Variants in SLC23A3 observed in about 807,000 individuals in gnomAD.
SLC23A3 encodes the protein E2-binding protein 3.
A neutral mutation model predicts 64.7 loss-of-function variants in SLC23A3; 41 were observed. The observed-to-expected ratio is 0.63, with a 90% CI of 0.49 to 0.82. The LOEUF is 0.82. SLC23A3 is among the 40% of genes least tolerant of loss of function. SLC23A3 has a pLI of 0.00. For synonymous variants in SLC23A3, 281 were observed against 306.8 expected (o/e 0.92, Z 0.88); for missense variants, 647 against 733.4 (o/e 0.88, Z 1.36).
At chr2:219,167,588 C>CAAA (rs34130254) in intron 7 of SLC23A3, among the ~76,000 whole-genome samples, 78 of 60,528 alleles carry the variant, frequency 1.3e-3, no homozygotes, top group East Asian at 1.9e-3. Context: ...CCTGTCTCTA[C>CAAA]AAAAAAAAAA....
In SLC23A3 at chr2:219,168,764, C is replaced by T. The variant is rs762988135; in HGVS notation, c.562G>A (p.Val188Met). The change falls in exon 5 of 12, where the codon GTG (valine) becomes ATG (methionine). Residue 188 changes from valine (V) to methionine (M), a missense_variant. Val to Met is a conservative substitution (Grantham distance 21). Transcript: ENST00000409878. ...MMGLLGSPGHVFPHCGPLVLA... is the reference protein window; with the variant it reads ...MMGLLGSPGHMFPHCGPLVLA... Reference sequence around the variant, plus strand: ...ACCAGGGGCCCACAGTGGGGGAACACGTGGCCGGGACTCCCCAGCAGCCCC... The same window carrying T: ...ACCAGGGGCCCACAGTGGGGGAACATGTGGCCGGGACTCCCCAGCAGCCCC... 1.4e-5 allele frequency: 22 copies of T among 1,611,214 alleles called. No individual in the cohort carries two copies. The highest frequency in any genetic ancestry group is 1.0e-4 in the Admixed American group (6 of 59,616).
In SLC23A3 at chr2:219,165,237, C is replaced by G. The variant is rs1242918172; in HGVS notation, c.1099G>C (p.Gly367Arg). ...GTGCCCATGGGGCTTCCCAGCAGCC[C>G]GGCCAGCACACTGCCCAGCCCCTCC... ...SLEGLGSVLA[G>R]LLGSPMGTAS... The change falls in exon 8 of 12, where the codon GGG becomes CGG. Residue 367 changes from glycine (G) to arginine (R), a missense_variant. By Grantham distance (125) the Gly-to-Arg change is moderately radical. Coordinates refer to ENST00000409878, the MANE Select transcript of SLC23A3 (RefSeq NM_001144889.2). The G allele has an allele frequency of 6.4e-7, 1 of 1,551,570 alleles. No homozygotes were observed. Among genetic ancestry groups the G allele is most frequent in the Non-Finnish European group, 8.7e-7 (1 of 1,147,028 alleles).
At position 219,165,261 on chromosome 2, in the gene SLC23A3, C is replaced by T. The variant is rs1181462002; in HGVS notation, c.1075G>A (p.Glu359Lys). The change falls in exon 8 of 12, where the codon GAG becomes AAG. Residue 359 changes from glutamate (E) to lysine (K), a missense_variant. By Grantham distance (56) the Glu-to-Lys change is moderately conservative. Transcript: ENST00000409878. Reference protein sequence around the residue: ...PHACSRGLSLEGLGSVLAGLL... With the variant: ...PHACSRGLSLKGLGSVLAGLL... ...CCGGCCAGCACACTGCCCAGCCCCT[C>T]CAGGCTCAGCCCTCGACTGCAGGCA... The T allele has an allele frequency of 6.4e-7, 1 of 1,551,742 alleles. No homozygotes were observed. Among genetic ancestry groups the T allele is most frequent in the African/African-American group, 1.4e-5 (1 of 73,192 alleles).
intron 4 of SLC23A3, 44 bp downstream of exon 4, chr2:219,168,984 CA>C: frequency 6.3e-7 from 1 of 1,591,672 alleles, no homozygotes; most frequent in Non-Finnish European, 8.6e-7. Flanking sequence ...GAGCCCCCCC[CA>C]AGCCTGGCAC....
chr2:219,168,393 G>T, intron 5 of SLC23A3, 75 bp from the exon 6 acceptor site: 1 of 1,466,262 alleles, frequency 6.8e-7, no homozygotes, highest in Non-Finnish European at 9.1e-7. Context: ...GGAGTGGGCA[G>T]AATATCATAA....
chr2:219,164,091 C>T (rs977674911), intron 9 of SLC23A3, 142 bp downstream of exon 9: 8 of 639,286 alleles, frequency 1.3e-5, no homozygotes, highest in Non-Finnish European at 2.2e-5. Context: ...CTGACACATG[C>T]TCATATCCAT....
Position 219,169,721 on chromosome 2 carries a change from A to G in SLC23A3, c.163-43T>C, listed in dbSNP as rs1306883071. On this transcript the variant is annotated intron_variant, in intron 1 of 11. Coordinates refer to ENST00000409878, the MANE Select transcript of SLC23A3 (RefSeq NM_001144889.2). This position sits in a 1 kb window ranked among gnomAD's most constrained non-coding sequence, Gnocchi z 4.5. ...GGGAGGGCAGTCTTCAGAGAAGTGG[A>G]AATACCTACAATACTTCCAGAGGCT... The G allele has an allele frequency of 6.2e-7, 1 of 1,613,036 alleles. No individual in the cohort carries two copies. The highest frequency in any genetic ancestry group is 8.5e-7 in the Non-Finnish European group (1 of 1,179,598).
chr2:219,161,778 G>A lies in SLC23A3; in HGVS notation c.*131C>T. 1.0e-6 allele frequency: 1 copy of A among 991,612 alleles called. No individual in the cohort carries two copies. Among genetic ancestry groups the A allele is most frequent in the Admixed American group, 2.8e-5 (1 of 36,276 alleles). 61.4% of individuals were successfully genotyped at this position (991,612 alleles called of 1,614,324 possible). On this transcript the variant is annotated 3_prime_UTR_variant, in exon 12 of 12. Transcript: ENST00000409878. The stretch of plus-strand genomic sequence containing the variant: ...AGGCAACCCACCCTATTGGGAAATG[G>A]AACCTCTAGACAGTCCCATGTAATA...
intron 5 of SLC23A3, 56 bp downstream of exon 5, chr2:219,168,596 A>T: frequency 6.5e-7 from 1 of 1,538,664 alleles, no homozygotes; most frequent in Non-Finnish European, 8.9e-7. Flanking sequence ...GCCCTCCCCT[A>T]GTCCCCCCAT....
intron 8 of SLC23A3, chr2:219,164,772 C>T (rs149471676): frequency 0.013 from 3,285 of 251,404 alleles, 33 homozygotes; most frequent in Non-Finnish European, 0.018. Context: ...GTTGGCCAGG[C>T]TGGTCTTGAA....
Position 219,161,996 on chromosome 2 carries a change from A to C in SLC23A3, c.1746T>G (p.Ser582=). The change falls in exon 12 of 12, where the codon TCT becomes TCG. Residue 582 remains serine (S), a synonymous_variant. Transcript: ENST00000409878. ...EDPGDEEGGS[S]EPEEMADLLP... The stretch of plus-strand genomic sequence containing the variant: ...GCAAGTCTGCCATCTCTTCTGGCTC[A>C]GAGGAGCCTCCTTCCTCATCCCCAG... 1 of 1,613,954 alleles carries C rather than the reference A, an allele frequency of 6.2e-7. No homozygotes were observed.
At chr2:219,166,315 C>T (rs1219377859) in intron 7 of SLC23A3, among the ~76,000 whole-genome samples, 1 of 152,000 alleles carries the variant, frequency 6.6e-6, no homozygotes, top group Non-Finnish European at 1.5e-5. Context: ...CCCACCTTAG[C>T]CTCTGAAGTA....
intron 7 of SLC23A3, among the ~76,000 whole-genome samples, chr2:219,165,922 T>G (rs1369597485): frequency 6.6e-6 from 1 of 152,144 alleles, no homozygotes; most frequent in Non-Finnish European, 1.5e-5. Flanking sequence ...TCACCTGAGG[T>G]CAGGAGTTTG....
chr2:219,165,088 G>T, intron 8 of SLC23A3, 81 bp downstream of exon 8: 4 of 1,486,632 alleles, frequency 2.7e-6, no homozygotes, highest in South Asian at 2.6e-5. Context: ...GGCACACCTG[G>T]CAATCAATCG....
intron 8 of SLC23A3, chr2:219,164,561 T>A (rs1233115525): frequency 8.5e-6 from 4 of 472,734 alleles, no homozygotes; most frequent in African/African-American, 8.1e-5. Flanking sequence ...TTTTCTTTTT[T>A]TAATTTTTAA....
At chr2:219,168,365 G>A (rs748794303) in intron 5 of SLC23A3, 47 bp from the exon 6 acceptor site, 1 of 1,524,178 alleles carries the variant, frequency 6.6e-7, no homozygotes. Flanking sequence ...GGTATCCTGA[G>A]GGATGGGAAA....
At position 219,161,749 on chromosome 2, in the gene SLC23A3, G is replaced by A. The variant is rs908509868; in HGVS notation, c.*160C>T. On this transcript the variant is annotated 3_prime_UTR_variant, in exon 12 of 12. Coordinates refer to ENST00000409878, the MANE Select transcript of SLC23A3 (RefSeq NM_001144889.2). ...GAACAGTTAGGCCTAATTAAGACAA[G>A]GAAAGGCAACCCACCCTATTGGGAA... 2 of 683,362 alleles carry A rather than the reference G, an allele frequency of 2.9e-6. No homozygotes were observed. The highest frequency in any genetic ancestry group is 4.6e-6 in the Non-Finnish European group (2 of 435,444). The allele number at this position is 683,362 out of a possible 1,614,324, so 42.3% of individuals were successfully genotyped here.
At chr2:219,164,179 G>A in intron 9 of SLC23A3, 54 bp downstream of exon 9, 1 of 1,276,456 alleles carries the variant, frequency 7.8e-7, no homozygotes, top group South Asian at 1.3e-5. Flanking sequence ...GAACTGATCA[G>A]GCCACACTGG....
At chr2:219,168,934 C>CA in intron 4 of SLC23A3, 95 bp downstream of exon 4, 2 of 1,554,834 alleles carry the variant, frequency 1.3e-6, no homozygotes, top group Non-Finnish European at 1.8e-6. Context: ...TCCCAAAACT[C>CA]CTTTCCAGGA....
Sources: gnomAD v4.1 joint callset for allele counts (sites outside exome capture counted in the v4.1 genomes callset) on GRCh38, gnomAD v4.1.1 for gene constraint, Gnocchi (gnomAD v3.1) non-coding constraint, MANE v1.5 for transcripts, NCBI Gene and HGNC (gene_info 2026-07-23, HGNC 2026-07-21) for gene names.